FNBP4: variants seen among roughly 807,000 people sequenced by gnomAD.
FNBP4 encodes the protein formin binding protein 4, also known as formin-binding protein 4.
FNBP4 carries 34 observed loss-of-function variants against 119.3 expected under a neutral mutation model. The observed-to-expected ratio is 0.28, with a 90% confidence interval of 0.22 to 0.38. The LOEUF (loss-of-function observed/expected upper bound fraction) is 0.38, where lower values mean the gene tolerates loss of function less well. Among genes scored for constraint, FNBP4 ranks in the 10% least tolerant of loss-of-function variants. FNBP4 has a pLI of 1.00. For synonymous variants in FNBP4, 462 were observed against 430.6 expected (o/e 1.07, Z -0.90); for missense variants, 1,112 against 1,228.9 (o/e 0.90, Z 1.42).
At position 47,720,076 on chromosome 11, in the gene FNBP4, C is replaced by T. The variant is rs758321726; in HGVS notation, c.2816G>A (p.Ser939Asn). The T allele has an allele frequency of 1.2e-6, 2 of 1,613,194 alleles. No individual in the cohort carries two copies. Among genetic ancestry groups the T allele is most frequent in the African/African-American group, 1.3e-5 (1 of 75,032 alleles). Residue 939 changes from serine (S) to asparagine (N), a missense_variant, in exon 16 of 17, where the codon AGT becomes AAT. Ser to Asn is a conservative substitution (Grantham distance 46). This residue lies in a region of FNBP4 where 826 missense variants were observed against 988.8 expected (regional missense o/e 0.84). Transcript: ENST00000263773. The stretch of plus-strand genomic sequence containing the variant: ...TACCAAAGATGGCATTTTGGTCTTA[C>T]TCTTCTTTGCCTGTAACAAAGGTTA... ...KKGRKDKAKK[S>N]KTKMPSLVKK...
intron 8 of FNBP4, among the ~76,000 whole-genome samples, chr11:47,740,406 C>T (rs553600971): frequency 1.3e-5 from 2 of 149,922 alleles, no homozygotes; most frequent in South Asian, 2.1e-4. Context: ...AGTGAGACCC[C>T]GTCTCAAAAA....
chr11:47,717,428 G>C lies in FNBP4; in HGVS notation c.3048C>G (p.Asn1016Lys). ...ARLKRRKMAP[N>K]T ...AGTTTTAAAAACTTAAAAACTATGT[G>C]TTTGGAGCCATTTTCCTTCTCTTCA... Residue 1016 changes from asparagine to lysine, a missense_variant, in exon 17 of 17, where the codon AAC becomes AAG. Asn to Lys is a moderately conservative substitution (Grantham distance 94). Transcript: ENST00000263773. The C allele has an allele frequency of 6.2e-7, 1 of 1,609,572 alleles. No homozygotes were observed. Among genetic ancestry groups the C allele is most frequent in the Non-Finnish European group, 8.5e-7 (1 of 1,177,844 alleles).
At chr11:47,723,914 C>A in intron 14 of FNBP4, 114 bp downstream of exon 14, 35 of 802,518 alleles carry the variant, frequency 4.4e-5, no homozygotes, top group Non-Finnish European at 5.7e-5. Context: ...TAAATGCATA[C>A]TGACAGTCTT....
Position 47,767,210 on chromosome 11 carries a change from G to A in FNBP4, c.79C>T (p.Pro27Ser), listed in dbSNP as rs767132855. ...LSPPGPRGSTPGRDPEPEPDT... is the reference protein window; with the variant it reads ...LSPPGPRGSTSGRDPEPEPDT... ...GGTTCCGGCTCCGGGTCCCGGCCCG[G>A]CGTGCTGCCCCGAGGACCCGGCGGA... is the stretch of plus-strand genomic sequence containing the variant. Residue 27 changes from proline (P) to serine (S), a missense_variant, in exon 1 of 17, where the codon CCG (proline) becomes TCG (serine). By Grantham distance (74) the Pro-to-Ser change is moderately conservative. Transcript: ENST00000263773. 5.7e-6 allele frequency: 9 copies of A among 1,566,576 alleles called. No homozygotes were observed. The highest frequency in any genetic ancestry group is 4.7e-5 in the East Asian group (2 of 42,540).
At chr11:47,749,728 A>C (rs764276163) in intron 6 of FNBP4, among the ~76,000 whole-genome samples, 18 of 152,308 alleles carry the variant, frequency 1.2e-4, no homozygotes, top group Admixed American at 2.6e-4. Flanking sequence ...TGAAAAATCC[A>C]AAATCTGAAA....
At chr11:47,728,441 G>A (rs2097563650) in intron 12 of FNBP4, among the ~76,000 whole-genome samples, 1 of 151,604 alleles carries the variant, frequency 6.6e-6, no homozygotes, top group Admixed American at 6.6e-5. Context: ...GTAGAGACAG[G>A]GTGATACCAT....
At chr11:47,730,120 G>C (rs2097565750) in intron 12 of FNBP4, 6 of 985,444 alleles carry the variant, frequency 6.1e-6, no homozygotes, top group Non-Finnish European at 7.2e-6. Flanking sequence ...ACATATAAGG[G>C]ATGTTGACAG....
At position 47,717,173 on chromosome 11, in the gene FNBP4, C is replaced by T. The variant is rs2097550870; in HGVS notation, c.*249G>A. ...AGACTGATGAGGTTAATACACCTAA[C>T]ATGCTAAGTTTGCCAGTTTGAGAAT... On this transcript the variant is annotated 3_prime_UTR_variant, in exon 17 of 17. Coordinates refer to ENST00000263773, the MANE Select transcript of FNBP4 (RefSeq NM_015308.5). 1 of 435,788 alleles carries T rather than the reference C, an allele frequency of 2.3e-6. No individual in the cohort carries two copies. The highest frequency in any genetic ancestry group is 4.1e-6 in the Non-Finnish European group (1 of 242,728). 27.0% of individuals were successfully genotyped at this position (435,788 alleles called of 1,614,324 possible). A position where few individuals can be genotyped will look rare whatever the true frequency, so the allele number is the denominator to read the frequency against.
chr11:47,760,811 G>C (rs1365329398), intron 2 of FNBP4, among the ~76,000 whole-genome samples: 1 of 152,114 alleles, frequency 6.6e-6, no homozygotes, highest in African/African-American at 2.4e-5. Context: ...TGATCCACCT[G>C]CCTTGGCCTC....
intron 2 of FNBP4, among the ~76,000 whole-genome samples, chr11:47,757,508 G>A (rs1490068095): frequency 5.3e-5 from 7 of 132,090 alleles, no homozygotes; most frequent in African/African-American, 8.7e-5. Flanking sequence ...CACCGCACCC[G>A]GCTGAGACGG....
intron 4 of FNBP4, among the ~76,000 whole-genome samples, chr11:47,752,276 T>C (rs967146457): frequency 2.1e-5 from 3 of 145,256 alleles, no homozygotes; most frequent in African/African-American, 7.6e-5. Flanking sequence ...ATACAAAAAA[T>C]TTGCTGGGCG....
intron 12 of FNBP4, chr11:47,729,072 G>C (rs1269110982): frequency 2.8e-6 from 2 of 723,626 alleles, no homozygotes; most frequent in Non-Finnish European, 3.4e-6. Context: ...GGCTGGTCTT[G>C]AACTCTTGAC....
intron 6 of FNBP4, among the ~76,000 whole-genome samples, chr11:47,748,725 T>C (rs1299108216): frequency 1.3e-5 from 2 of 151,914 alleles, no homozygotes; most frequent in Non-Finnish European, 2.9e-5. Flanking sequence ...TCTCAGCTCA[T>C]TGCAACCTCT....
chr11:47,746,471 C>G, intron 6 of FNBP4, 77 bp from the exon 7 acceptor site: 1 of 1,219,304 alleles, frequency 8.2e-7, no homozygotes, highest in East Asian at 2.4e-5. Context: ...ATTGCACACA[C>G]ATTCATATTA....
chr11:47,724,459 ATTAC>A lies in FNBP4; in HGVS notation c.2319+5_2319+8del. 4 of 1,614,196 alleles carry A rather than the reference ATTAC, an allele frequency of 2.5e-6. No individual in the cohort carries two copies. The highest frequency in any genetic ancestry group is 1.1e-5 in the South Asian group (1 of 91,088). ...AAAATCACTCAGAATGCCAAAGGGA[ATTAC>A]TTACCTGGCTAGTTACAACTGTGGT... is the stretch of plus-strand genomic sequence containing the variant. On this transcript the variant is annotated splice_donor_5th_base_variant and intron_variant, in intron 13 of 16. Transcript: ENST00000263773.
At chr11:47,761,252 A>G (rs1447694159) in intron 2 of FNBP4, among the ~76,000 whole-genome samples, 1 of 152,204 alleles carries the variant, frequency 6.6e-6, no homozygotes, top group Admixed American at 6.6e-5. Flanking sequence ...AGTTAGAGTA[A>G]CACTGAAAAT....
Position 47,725,920 on chromosome 11 carries a change from C to T in FNBP4, c.2009-1142G>A, listed in dbSNP as rs750272367. On this transcript the variant is annotated intron_variant, in intron 12 of 16. Transcript: ENST00000263773. The stretch of plus-strand genomic sequence containing the variant: ...TCAGTTAAAGGTAATGAAACCCAGG[C>T]AGGAACTAACTTGCCCAAGATCATA... 198 of 352,506 alleles carry T rather than the reference C, an allele frequency of 5.6e-4. No homozygotes were observed. The Middle Eastern group carries it at 7.1e-3, about 13-fold the overall frequency. The allele number at this position is 352,506 out of a possible 1,614,324, so 21.8% of individuals were successfully genotyped here.
intron 2 of FNBP4, 107 bp downstream of exon 2, chr11:47,765,163 A>T (rs1565172002): frequency 1.5e-5 from 10 of 685,260 alleles, no homozygotes; most frequent in Non-Finnish European, 2.5e-5. Flanking sequence ...GGGAGAAATA[A>T]TGTTAGCAAC....
At chr11:47,764,101 T>C (rs1315431989) in intron 2 of FNBP4, among the ~76,000 whole-genome samples, 1 of 152,090 alleles carries the variant, frequency 6.6e-6, no homozygotes, top group Non-Finnish European at 1.5e-5. Flanking sequence ...CCTAGAAACA[T>C]TTAAATTTAT....
Sources: allele counts gnomAD v4.1 joint callset (sites outside exome capture counted in the v4.1 genomes callset), GRCh38; gene constraint gnomAD v4.1.1; regional missense constraint gnomAD v4.1.1; transcripts MANE v1.5; gene names NCBI Gene and HGNC (gene_info 2026-07-23, HGNC 2026-07-21).